CPLX2: variants seen among roughly 807,000 people sequenced by gnomAD.
CPLX2 encodes complexin 2, also known as complexin-2.
Under a neutral mutation model 16.3 loss-of-function variants are expected in CPLX2, and 5 were observed. The ratio of observed to expected loss-of-function variants is 0.31; its 90% CI spans 0.16 to 0.64. The LOEUF (loss-of-function observed/expected upper bound fraction) is 0.64, where lower values mean the gene tolerates loss of function less well. Ranked by LOEUF, CPLX2 falls within the 30% of genes least tolerant of loss-of-function variation. The probability of loss-of-function intolerance (pLI) is 0.79; values close to 1 mark genes in which losing one functional copy is unlikely to be tolerated. For missense variants in CPLX2, 144 were observed against 181.4 expected (o/e 0.79, Z 1.18); for synonymous variants, 89 against 73.2 (o/e 1.22, Z -1.10).
rs1441573717 is a variant in CPLX2 at position 175,880,418 on chromosome 5, C to T, written c.*373C>T. ...AGTAATGACACATTCCAGCCCTGCC[C>T]AGCATGCTGACCTTTGGCCTCTAAC... On this transcript the variant is annotated 3_prime_UTR_variant, in exon 4 of 4. Coordinates refer to ENST00000393745, the MANE Select transcript of CPLX2 (RefSeq NM_001008220.2). 3 of 354,986 alleles carry T rather than the reference C, an allele frequency of 8.5e-6. No individual in the cohort carries two copies. The Admixed American group carries it at 1.2e-4, about 14-fold the overall frequency. 22.0% of individuals were successfully genotyped at this position (354,986 alleles called of 1,614,324 possible).
intron 1 of CPLX2, among the ~76,000 whole-genome samples, chr5:175,797,064 G>C (rs1332641597): frequency 6.6e-6 from 1 of 152,160 alleles, no homozygotes. Flanking sequence ...GCGGCGGCCG[G>C]GCGGGCTCCT....
In CPLX2 at chr5:175,883,396, T is replaced by G. The variant is rs1755670516; in HGVS notation, c.*3351T>G. 6.6e-6 allele frequency: 1 copy of G among 152,086 alleles called. No individual in the cohort carries two copies. The highest frequency in any genetic ancestry group is 1.5e-5 in the Non-Finnish European group (1 of 68,030). 9.4% of individuals were successfully genotyped at this position (152,086 alleles called of 1,614,324 possible). A position where few individuals can be genotyped will look rare whatever the true frequency, so the allele number is the denominator to read the frequency against. ...CAGGAAGTCGAGACACCATCCCAGG[T>G]GTGTGTAAGAGAGAGAGAGAGAACA... On this transcript the variant is annotated 3_prime_UTR_variant, in exon 4 of 4. Coordinates refer to ENST00000393745, the MANE Select transcript of CPLX2 (RefSeq NM_001008220.2).
intron 2 of CPLX2, among the ~76,000 whole-genome samples, chr5:175,850,045 G>A (rs1216209566): frequency 6.6e-6 from 1 of 152,236 alleles, no homozygotes; most frequent in African/African-American, 2.4e-5. Context: ...CTGTGCAGCG[G>A]GCCACACCAC....
At chr5:175,843,931 C>T (rs1758995251) in intron 2 of CPLX2, among the ~76,000 whole-genome samples, 1 of 152,248 alleles carries the variant, frequency 6.6e-6, no homozygotes, top group Non-Finnish European at 1.5e-5. Context: ...CTGAGACCTC[C>T]TTTCACCCCC....
In CPLX2 at chr5:175,881,276, C is replaced by CGT. The variant is rs1257854129; in HGVS notation, c.*1240_*1241dup. 1 of 153,004 alleles carries CGT rather than the reference C, an allele frequency of 6.5e-6. No homozygotes were observed. Among genetic ancestry groups the CGT allele is most frequent in the East Asian group, 1.9e-4 (1 of 5,188 alleles). 9.5% of individuals were successfully genotyped at this position (153,004 alleles called of 1,614,324 possible). On this transcript the variant is annotated 3_prime_UTR_variant, in exon 4 of 4. Coordinates refer to ENST00000393745, the MANE Select transcript of CPLX2 (RefSeq NM_001008220.2). ...CATATGCATATGTGTAGGGCTGGAG[C>CGT]GTGTGTGTGTCTTGAGATTGTGTGT...
chr5:175,802,179 AG>A (rs1758107601), intron 1 of CPLX2, among the ~76,000 whole-genome samples: 1 of 152,220 alleles, frequency 6.6e-6, no homozygotes, highest in African/African-American at 2.4e-5. Context: ...TGAATCCTCT[AG>A]AAGCTCAGTG....
intron 2 of CPLX2, among the ~76,000 whole-genome samples, chr5:175,838,979 TG>T (rs1758894392): frequency 6.6e-6 from 1 of 152,180 alleles, no homozygotes; most frequent in African/African-American, 2.4e-5. Context: ...CACTGTGAAA[TG>T]AGGTTGCTGT....
intron 1 of CPLX2, among the ~76,000 whole-genome samples, chr5:175,797,025 C>T (rs1040504600): frequency 2.6e-5 from 4 of 152,216 alleles, no homozygotes; most frequent in Non-Finnish European, 4.4e-5. Flanking sequence ...CACCGGGTCC[C>T]TATCGGGTCA....
At position 175,830,916 on chromosome 5, in the gene CPLX2, GC is replaced by G. The variant is rs947902729; in HGVS notation, c.-89+21851del. Among the ~76,000 whole-genome samples, 2 of 152,220 alleles carry G rather than the reference GC, an allele frequency of 1.3e-5. No homozygotes were observed. Among genetic ancestry groups the G allele is most frequent in the Non-Finnish European group, 2.9e-5 (2 of 68,044 alleles). Reference sequence around the variant, plus strand: ...TTTACCAACTGGAAGGGGCCTTAGAGCCCAAGGGAAACGTGCGTGTGTTCGT... The same window carrying G: ...TTTACCAACTGGAAGGGGCCTTAGAGCCAAGGGAAACGTGCGTGTGTTCGT... On this transcript the variant is annotated intron_variant, in intron 2 of 4. Coordinates refer to the CPLX2 transcript ENST00000359546. This position sits in a 1 kb window ranked among gnomAD's most constrained non-coding sequence, Gnocchi z 4.0.
chr5:175,850,661 G>A (rs956380243), intron 2 of CPLX2, among the ~76,000 whole-genome samples: 1 of 152,206 alleles, frequency 6.6e-6, no homozygotes, highest in African/African-American at 2.4e-5. Flanking sequence ...AAGTCTGTCT[G>A]ATTCCATTTA....
In CPLX2 at chr5:175,833,669, G is replaced by A. The variant is rs559414221; in HGVS notation, c.-89+24601G>A. Among the ~76,000 whole-genome samples the A allele has an allele frequency of 3.9e-5, 6 of 152,256 alleles. No individual in the cohort carries two copies. In the East Asian group the frequency reaches 9.7e-4, roughly 25 times the overall value. ...TTTGACACATCCACTGGGCAGGTAT[G>A]GTTTGGAAGAATTTAGCAGTTAGGA... On this transcript the variant is annotated intron_variant, in intron 2 of 4. Coordinates refer to the CPLX2 transcript ENST00000359546.
chr5:175,829,806 G>C (rs1045427889), intron 2 of CPLX2, among the ~76,000 whole-genome samples: 1 of 152,226 alleles, frequency 6.6e-6, no homozygotes, highest in East Asian at 1.9e-4. Context: ...CAGAGATGCG[G>C]TCCTGACCCT....
intron 2 of CPLX2, among the ~76,000 whole-genome samples, chr5:175,815,381 G>C (rs747983051): frequency 4.7e-4 from 72 of 152,268 alleles, no homozygotes; most frequent in Non-Finnish European, 9.0e-4. Context: ...TTGGCGGAGA[G>C]CACATGCATG....
upstream of CPLX2, among the ~76,000 whole-genome samples, chr5:175,869,731 T>C (rs973795651): frequency 3.9e-5 from 6 of 152,126 alleles, no homozygotes; most frequent in African/African-American, 1.4e-4. Context: ...TTGACCTGAT[T>C]TCCAGGTGCC....
At chr5:175,853,693 T>G (rs563366796) in intron 2 of CPLX2, among the ~76,000 whole-genome samples, 1 of 152,168 alleles carries the variant, frequency 6.6e-6, no homozygotes, top group African/African-American at 2.4e-5. Context: ...CCTTCTCTCA[T>G]GGACATCCAA....
Position 175,878,930 on chromosome 5 carries a change from G to A in CPLX2, c.54G>A (p.Lys18=). 1.2e-6 allele frequency: 2 copies of A among 1,612,976 alleles called. No homozygotes were observed. Among genetic ancestry groups the A allele is most frequent in the South Asian group, 2.2e-5 (2 of 90,760 alleles). ...ALGGATKDMG[K]MLGGEEEKDP... is the part of the protein sequence containing the mutation. ...TAGGGGCCACAAAGGACATGGGGAA[G>A]ATGCTGGGGGGAGAGGAGGAGAAGG... is the stretch of plus-strand genomic sequence containing the variant. The change falls in exon 3 of 4, where the codon AAG becomes AAA. Residue 18 remains lysine, a synonymous_variant. Coordinates refer to ENST00000393745, the MANE Select transcript of CPLX2 (RefSeq NM_001008220.2).
intron 2 of CPLX2, among the ~76,000 whole-genome samples, chr5:175,835,095 A>C (rs1028003254): frequency 2.0e-5 from 3 of 152,204 alleles, no homozygotes; most frequent in Admixed American, 2.0e-4. Context: ...GATATGTTTG[A>C]AGTTCATGGT....
chr5:175,861,155 C>T (rs1411676898), intron 2 of CPLX2, among the ~76,000 whole-genome samples: 1 of 152,294 alleles, frequency 6.6e-6, no homozygotes, highest in Admixed American at 6.5e-5. Flanking sequence ...GTTATTTCAA[C>T]CCCAAGTAGG....
chr5:175,833,928 C>A (rs1291242051), intron 2 of CPLX2, among the ~76,000 whole-genome samples: 1 of 152,102 alleles, frequency 6.6e-6, no homozygotes, highest in Non-Finnish European at 1.5e-5. Flanking sequence ...GGCCCAGGTT[C>A]CTGCAGGGCA....
Sources: gnomAD v4.1 joint callset for allele counts (sites outside exome capture counted in the v4.1 genomes callset) on GRCh38, gnomAD v4.1.1 for gene constraint, Gnocchi (gnomAD v3.1) non-coding constraint, MANE v1.5 for transcripts, NCBI Gene and HGNC (gene_info 2026-07-23, HGNC 2026-07-21) for gene names.